The following CHRM3 variants were observed in gnomAD, a reference collection of about 807,000 sequenced individuals.
The protein encoded by CHRM3 is cholinergic receptor muscarinic 3.
In CHRM3, 11 loss-of-function variants were observed where a neutral mutation model predicts 41.8. That is an observed-to-expected ratio of 0.26 (90% CI 0.17 to 0.44). The LOEUF is 0.44. Among genes scored for constraint, CHRM3 ranks in the 20% least tolerant of loss-of-function variants. The pLI, the probability that CHRM3 is intolerant of heterozygous loss-of-function variation, is 1.00. For synonymous variants in CHRM3, 297 were observed against 301.4 expected (o/e 0.99, Z 0.15); for missense variants, 571 against 745.4 (o/e 0.77, Z 2.72).
chr1:239,614,017 A>C (rs1354833882), intron 3 of CHRM3, among the ~76,000 whole-genome samples: 1 of 152,042 alleles, frequency 6.6e-6, no homozygotes, highest in African/African-American at 2.4e-5. Flanking sequence ...AAATAAAACA[A>C]TTAGCTGAGT....
intron 1 of CHRM3, among the ~76,000 whole-genome samples, chr1:239,488,121 A>G (rs1264665209): frequency 6.6e-6 from 1 of 152,188 alleles, no homozygotes; most frequent in Non-Finnish European, 1.5e-5. Context: ...TCTCTTTGTG[A>G]GAGTGTAAAT....
chr1:239,611,569 CGT>C (rs1210651517), intron 3 of CHRM3, among the ~76,000 whole-genome samples: 3 of 151,844 alleles, frequency 2.0e-5, no homozygotes, highest in Non-Finnish European at 4.4e-5. Flanking sequence ...TACAGGCATG[CGT>C]CACCATGCCC....
rs565863836 is a variant in CHRM3 at position 239,752,430 on chromosome 1, T to A, written c.-147+74142T>A. On this transcript the variant is annotated intron_variant, in intron 5 of 6. Coordinates refer to ENST00000676153, the MANE Select transcript of CHRM3 (RefSeq NM_001375978.1). ...GGAAATTGCCTGCTTTTTGAGTATA[T>A]GAGCCAACTATAGTTTCTAGTTTTG... Among the ~76,000 whole-genome samples the A allele has an allele frequency of 2.0e-5, 3 of 152,352 alleles. No individual in the cohort carries two copies. The East Asian group carries it at 5.8e-4, about 29-fold the overall frequency.
intron 2 of CHRM3, among the ~76,000 whole-genome samples, chr1:239,521,290 T>A (rs1669622166): frequency 1.3e-5 from 2 of 152,186 alleles, no homozygotes; most frequent in South Asian, 4.1e-4. Context: ...TATTGCCCTA[T>A]TTCCATGCAA....
At chr1:239,692,592 GT>G (rs1465448770) in intron 5 of CHRM3, among the ~76,000 whole-genome samples, 1 of 152,144 alleles carries the variant, frequency 6.6e-6, no homozygotes, top group Non-Finnish European at 1.5e-5. Context: ...TTTGAAGAGG[GT>G]TTGCAGGATA....
chr1:239,481,988 C>G (rs1394153124), intron 1 of CHRM3, among the ~76,000 whole-genome samples: 1 of 152,052 alleles, frequency 6.6e-6, no homozygotes, highest in Non-Finnish European at 1.5e-5. Context: ...GCAAGAAGTT[C>G]TTCTTCTTTT....
At chr1:239,685,442 A>G (rs1282162692) in intron 5 of CHRM3, among the ~76,000 whole-genome samples, 1 of 152,166 alleles carries the variant, frequency 6.6e-6, no homozygotes, top group Non-Finnish European at 1.5e-5. Flanking sequence ...GTATTCTGCC[A>G]TGCACTTCTC....
chr1:239,673,360 C>CT (rs1373350571), intron 4 of CHRM3, among the ~76,000 whole-genome samples: 1 of 152,238 alleles, frequency 6.6e-6, no homozygotes, highest in South Asian at 2.1e-4. Context: ...TTATTGTAAT[C>CT]TTTTTTCCCA....
intron 1 of CHRM3, among the ~76,000 whole-genome samples, chr1:239,419,607 C>T (rs1661776082): frequency 6.6e-6 from 1 of 152,112 alleles, no homozygotes; most frequent in African/African-American, 2.4e-5. Flanking sequence ...AAAGAGGGCT[C>T]AGACCGTGTA....
intron 3 of CHRM3, among the ~76,000 whole-genome samples, chr1:239,570,761 A>G (rs1158945880): frequency 6.6e-6 from 1 of 152,004 alleles, no homozygotes; most frequent in Non-Finnish European, 1.5e-5. Context: ...TTAATGTTAA[A>G]CTCCCAAAAG....
In CHRM3 at chr1:239,587,367, C is replaced by T. The variant is rs189521538; in HGVS notation, c.-313+41618C>T. On this transcript the variant is annotated intron_variant, in intron 3 of 6. Coordinates refer to ENST00000676153, the MANE Select transcript of CHRM3 (RefSeq NM_001375978.1). ...TCTTACCAGTCATTTACGTCAGCTT[C>T]TTTCCTTTTGATGAAAAATATGGTA... is the stretch of plus-strand genomic sequence containing the variant. Among the ~76,000 whole-genome samples the T allele has an allele frequency of 2.7e-3, 416 of 152,306 alleles. 3 individuals carry two copies. Among genetic ancestry groups the T allele is most frequent in the African/African-American group, 9.8e-3 (408 of 41,548 alleles).
chr1:239,579,580 C>T (rs1662678231), intron 3 of CHRM3, among the ~76,000 whole-genome samples: 2 of 151,970 alleles, frequency 1.3e-5, no homozygotes, highest in Non-Finnish European at 2.9e-5. Flanking sequence ...TTGAATAATC[C>T]CTGCATTCAC....
At chr1:239,459,423 T>C (rs1665197188) in intron 1 of CHRM3, among the ~76,000 whole-genome samples, 1 of 152,210 alleles carries the variant, frequency 6.6e-6, no homozygotes, top group African/African-American at 2.4e-5. Flanking sequence ...TAAAGGAGTC[T>C]TCAAAGGAAT....
At chr1:239,747,916 A>T (rs891443138) in intron 5 of CHRM3, among the ~76,000 whole-genome samples, 1 of 152,168 alleles carries the variant, frequency 6.6e-6, no homozygotes, top group Non-Finnish European at 1.5e-5. Flanking sequence ...ACGTGCCTGT[A>T]ATCCCAGCTA....
intron 2 of CHRM3, among the ~76,000 whole-genome samples, chr1:239,516,334 T>C (rs1437721821): frequency 6.6e-6 from 1 of 152,306 alleles, no homozygotes. Flanking sequence ...GCTCTGACCT[T>C]CCGCTTCTCT....
intron 2 of CHRM3, among the ~76,000 whole-genome samples, chr1:239,535,584 G>A (rs1474684809): frequency 6.6e-6 from 1 of 151,342 alleles, no homozygotes; most frequent in Non-Finnish European, 1.5e-5. Flanking sequence ...TTACAGTCTT[G>A]TTAGTAAATT....
At chr1:239,488,281 C>A (rs1667317705) in intron 1 of CHRM3, among the ~76,000 whole-genome samples, 1 of 152,090 alleles carries the variant, frequency 6.6e-6, no homozygotes, top group African/African-American at 2.4e-5. Flanking sequence ...AAGTCAAACT[C>A]CCCTCCTGGA....
intron 5 of CHRM3, 87 bp from the exon 6 acceptor site, chr1:239,827,165 C>G (rs915232459): frequency 4.6e-5 from 7 of 152,154 alleles, no homozygotes; most frequent in African/African-American, 1.7e-4. Flanking sequence ...TTGGATCATT[C>G]TATGATGCTT....
chr1:239,618,838 T>A, intron 3 of CHRM3, among the ~76,000 whole-genome samples: 1 of 121,206 alleles, frequency 8.3e-6, no homozygotes, highest in Non-Finnish European at 1.8e-5. Flanking sequence ...AGCGAGACTC[T>A]GTCAGAAAAA....
Sources: allele counts gnomAD v4.1 joint callset (sites outside exome capture counted in the v4.1 genomes callset), GRCh38; gene constraint gnomAD v4.1.1; transcripts MANE v1.5; gene names NCBI Gene and HGNC (gene_info 2026-07-23, HGNC 2026-07-21).